The following VCF2 variants were observed in gnomAD, a reference collection of about 807,000 sequenced individuals.
VCF2 encodes protein VCF2.
the VCF2 span, chrX:55,159,153 G>T: frequency 8.3e-7 from 1 of 1,203,887 alleles, no homozygotes; most frequent in African/African-American, 1.8e-5. Flanking sequence ...AATCCTGAAA[G>T]ATAGGGTTTC....
the VCF2 span, among the ~76,000 whole-genome samples, chrX:55,150,331 T>A: frequency 4.8e-4 from 54 of 111,821 alleles, no homozygotes; most frequent in African/African-American, 1.7e-3. Flanking sequence ...AGGATGAAAC[T>A]GTTCCACTCA....
chrX:55,147,369 C>T, the VCF2 span, among the ~76,000 whole-genome samples: 1 of 110,999 alleles, frequency 9.0e-6, no homozygotes, highest in African/African-American at 3.3e-5. Flanking sequence ...GTTAAAAGAA[C>T]TTGTGCAGGA....
chrX:55,151,152 G>C, the VCF2 span, among the ~76,000 whole-genome samples: 1 of 112,230 alleles, frequency 8.9e-6, no homozygotes, highest in Non-Finnish European at 1.9e-5. Flanking sequence ...ATAGTTATTT[G>C]CAAAAAATTG....
the VCF2 span, among the ~76,000 whole-genome samples, chrX:55,155,034 T>C: frequency 8.9e-6 from 1 of 111,737 alleles, no homozygotes; most frequent in African/African-American, 3.3e-5. Context: ...GCATCTGAGC[T>C]AGGCCTTCAA....
At chrX:55,156,600 A>G in the VCF2 span, among the ~76,000 whole-genome samples, 6 of 112,395 alleles carry the variant, frequency 5.3e-5, no homozygotes, top group African/African-American at 1.9e-4. Context: ...CACTTTCCAA[A>G]TTAGCAAGGT....
the VCF2 span, among the ~76,000 whole-genome samples, chrX:55,152,143 G>C: frequency 1.8e-5 from 2 of 109,948 alleles, no homozygotes; most frequent in Non-Finnish European, 3.8e-5. Context: ...CGCCCGCCTC[G>C]GCCTCCCAAA....
At chrX:55,153,607 C>T in the VCF2 span, among the ~76,000 whole-genome samples, 18 of 110,217 alleles carry the variant, frequency 1.6e-4, no homozygotes, top group Non-Finnish European at 3.0e-4. Flanking sequence ...GTGATCTGTC[C>T]GCCTCGGCCT....
the VCF2 span, among the ~76,000 whole-genome samples, chrX:55,156,101 G>A: frequency 1.1e-3 from 122 of 109,665 alleles, no homozygotes; most frequent in African/African-American, 3.1e-3. Flanking sequence ...ACAGGTGCGC[G>A]CCACCAAGCC....
chrX:55,145,531 G>A, the VCF2 span: 12 of 753,471 alleles, frequency 1.6e-5, no homozygotes, highest in Non-Finnish European at 1.4e-5. Context: ...CAACTAGAGA[G>A]CAATTTCAAC....
chrX:55,146,452 T>C, the VCF2 span: 3 of 532,017 alleles, frequency 5.6e-6, no homozygotes, highest in Non-Finnish European at 9.3e-6. Flanking sequence ...TAGTTCATTC[T>C]ATCCTCACAA....
the VCF2 span, chrX:55,159,245 AAG>A: frequency 1.7e-6 from 2 of 1,157,772 alleles, no homozygotes; most frequent in Admixed American, 2.3e-5. Context: ...ATAAATTGTA[AAG>A]AGAGAGTTGT....
At chrX:55,157,714 T>C in the VCF2 span, among the ~76,000 whole-genome samples, 3 of 112,006 alleles carry the variant, frequency 2.7e-5, no homozygotes, top group Non-Finnish European at 5.6e-5. Flanking sequence ...CCCCTTGGAA[T>C]TGTAGCATTA....
chrX:55,145,814 G>T, the VCF2 span: 2 of 881,502 alleles, frequency 2.3e-6, no homozygotes, highest in Non-Finnish European at 2.8e-6. Context: ...CACAGGAGAA[G>T]TTTCCTCATA....
the VCF2 span, among the ~76,000 whole-genome samples, chrX:55,148,168 A>T: frequency 2.7e-5 from 3 of 110,509 alleles, no homozygotes; most frequent in Non-Finnish European, 5.7e-5. Context: ...CATCTGAGTA[A>T]ACCATTTAAA....
At chrX:55,147,414 G>C in the VCF2 span, among the ~76,000 whole-genome samples, 1 of 110,799 alleles carries the variant, frequency 9.0e-6, no homozygotes. Flanking sequence ...AGCCAGATGT[G>C]AGAGTTAGCA....
the VCF2 span, among the ~76,000 whole-genome samples, chrX:55,154,674 C>T: frequency 8.9e-6 from 1 of 111,935 alleles, no homozygotes; most frequent in Admixed American, 9.4e-5. Context: ...TTGAGGCCAG[C>T]AGGGATTTGC....
the VCF2 span, chrX:55,145,286 C>G: frequency 1.4e-5 from 10 of 717,968 alleles, no homozygotes; most frequent in Non-Finnish European, 1.6e-5. Flanking sequence ...ACATAATGTG[C>G]TAACGTAATA....
the VCF2 span, chrX:55,145,648 TTTTG>T: frequency 2.6e-5 from 20 of 755,631 alleles, no homozygotes; most frequent in South Asian, 1.3e-4. Flanking sequence ...AGTGTGGATT[TTTTG>T]TTTGTTTTTT....
the VCF2 span, among the ~76,000 whole-genome samples, chrX:55,150,569 C>T: frequency 4.5e-5 from 5 of 111,786 alleles, no homozygotes; most frequent in Admixed American, 3.8e-4. Flanking sequence ...GATTGGGAAC[C>T]TCTGGTATAT....
Sources: gnomAD v4.1 joint callset for allele counts (sites outside exome capture counted in the v4.1 genomes callset) on GRCh38, gnomAD v4.1.1 for gene constraint, MANE v1.5 for transcripts, NCBI Gene and HGNC (gene_info 2026-07-23, HGNC 2026-07-21) for gene names.